Variants in ODAD2 observed in about 807,000 individuals in gnomAD.
The protein encoded by ODAD2 is outer dynein arm-docking complex subunit 2.
ODAD2 carries 89 observed loss-of-function variants against 106.8 expected under a neutral mutation model. The ratio of observed to expected loss-of-function variants is 0.83; its 90% CI spans 0.70 to 0.99. The LOEUF (loss-of-function observed/expected upper bound fraction) is 0.99. ODAD2 is among the 50% of genes least tolerant of loss of function. The pLI is 0.00. For missense variants in ODAD2, 1,168 were observed against 1,238.5 expected, an observed-to-expected ratio of 0.94 and a Z score of 0.85; for synonymous variants, 404 against 436.2, an observed-to-expected ratio of 0.93 and a Z score of 0.92.
At chr10:27,958,489 T>C (rs1847887239) in intron 10 of ODAD2, among the ~76,000 whole-genome samples, 1 of 152,162 alleles carries the variant, frequency 6.6e-6, no homozygotes, top group Non-Finnish European at 1.5e-5. Flanking sequence ...CCAGGATCAG[T>C]TATACTCACT....
At chr10:27,925,493 A>T (rs746187558) in intron 16 of ODAD2, among the ~76,000 whole-genome samples, 14 of 152,134 alleles carry the variant, frequency 9.2e-5, no homozygotes, top group Non-Finnish European at 1.3e-4. Context: ...GAAAGGCTGG[A>T]ATTACAGGTG....
intron 16 of ODAD2, among the ~76,000 whole-genome samples, chr10:27,927,044 T>A (rs981233804): frequency 1.3e-5 from 2 of 152,146 alleles, no homozygotes; most frequent in African/African-American, 4.8e-5. Flanking sequence ...GCATAATTAG[T>A]ATGAAATAAT....
chr10:27,885,509 CAA>C lies in ODAD2; in HGVS notation c.2610+22152_2610+22153del, dbSNP rs781326915. Among the ~76,000 whole-genome samples, 41 of 19,816 alleles carry C rather than the reference CAA, an allele frequency of 2.1e-3. 2 individuals are homozygous for C. Among genetic ancestry groups the C allele is most frequent in the African/African-American group, 8.0e-3 (26 of 3,262 alleles). The allele number at this position is 19,816 out of a possible 152,430, so 13.0% of individuals were successfully genotyped here. The stretch of plus-strand genomic sequence containing the variant: ...TGGGTGACAGAGTGAGACTCCATCT[CAA>C]AAAAAAAAAAAAAAAAAAAAAAATA... On this transcript the variant is annotated intron_variant, in intron 17 of 19. Coordinates refer to ENST00000305242, the MANE Select transcript of ODAD2 (RefSeq NM_018076.5).
At chr10:27,941,596 G>GTTTTTTTTT (rs371752746) in intron 12 of ODAD2, among the ~76,000 whole-genome samples, 18 of 114,928 alleles carry the variant, frequency 1.6e-4, no homozygotes, top group Non-Finnish European at 2.4e-4. Context: ...CCAGCATCCA[G>GTTTTTTTTT]TTTTTTTTTT....
chr10:27,848,470 A>G (rs541350855), intron 19 of ODAD2, among the ~76,000 whole-genome samples: 1 of 152,338 alleles, frequency 6.6e-6, no homozygotes, highest in East Asian at 1.9e-4. Flanking sequence ...AGGAAAACCT[A>G]GGCAATACCA....
intron 19 of ODAD2, among the ~76,000 whole-genome samples, chr10:27,857,910 G>A (rs1280801274): frequency 6.6e-6 from 1 of 152,220 alleles, no homozygotes; most frequent in Non-Finnish European, 1.5e-5. Context: ...AGCATTTGAC[G>A]AGAAGTCGGC....
At chr10:27,816,607 G>A (rs1836154644) in intron 19 of ODAD2, among the ~76,000 whole-genome samples, 1 of 152,146 alleles carries the variant, frequency 6.6e-6, no homozygotes, top group Non-Finnish European at 1.5e-5. Flanking sequence ...CAAAGCATAG[G>A]AAAAGGGTGA....
intron 9 of ODAD2, among the ~76,000 whole-genome samples, chr10:27,965,735 C>A (rs1158103953): frequency 4.6e-5 from 7 of 152,174 alleles, no homozygotes; most frequent in Admixed American, 1.3e-4. Context: ...GGAGTGAAAT[C>A]AACCAGGGCT....
intron 16 of ODAD2, among the ~76,000 whole-genome samples, chr10:27,922,646 C>T (rs1256808423): frequency 6.6e-6 from 1 of 152,130 alleles, no homozygotes; most frequent in Non-Finnish European, 1.5e-5. Context: ...TGGCTCACAC[C>T]TGTAATCCCA....
chr10:27,877,837 T>G (rs1841446179), intron 17 of ODAD2, among the ~76,000 whole-genome samples: 1 of 152,196 alleles, frequency 6.6e-6, no homozygotes, highest in Non-Finnish European at 1.5e-5. Context: ...ATTTTGCAAT[T>G]TATAAAGGAC....
In ODAD2 at chr10:27,944,510, C is replaced by A. The variant is rs557867440; in HGVS notation, c.1534-79G>T. 4 of 1,288,784 alleles carry A rather than the reference C, an allele frequency of 3.1e-6. No individual in the cohort carries two copies. In the East Asian group the frequency reaches 9.6e-5, roughly 31 times the overall value. The allele number at this position is 1,288,784 out of a possible 1,614,324, so 79.8% of individuals were successfully genotyped here. On this transcript the variant is annotated intron_variant, in intron 11 of 19. Transcript: ENST00000305242. ...TAAAAATTCCGAGTATACCTAAAAT[C>A]CTTCCCCAGTTAAGTTTTTTAAGAA...
chr10:27,900,884 C>T (rs1843152331), intron 17 of ODAD2, among the ~76,000 whole-genome samples: 1 of 152,180 alleles, frequency 6.6e-6, no homozygotes, highest in Admixed American at 6.5e-5. Flanking sequence ...ACTTGGAAAA[C>T]ACTCTGCAGG....
intron 1 of ODAD2, among the ~76,000 whole-genome samples, chr10:27,996,794 A>T (rs1352151155): frequency 1.3e-5 from 2 of 152,210 alleles, no homozygotes; most frequent in Non-Finnish European, 2.9e-5. Flanking sequence ...TTAAGTTGCA[A>T]TGGCACATCT....
chr10:27,960,807 A>G (rs1218713104), intron 10 of ODAD2, among the ~76,000 whole-genome samples: 1 of 152,228 alleles, frequency 6.6e-6, no homozygotes, highest in Non-Finnish European at 1.5e-5. Flanking sequence ...GAAAAAGCAG[A>G]AAGAAACCAT....
At chr10:27,951,211 T>C (rs1170798949) in intron 10 of ODAD2, among the ~76,000 whole-genome samples, 1 of 152,232 alleles carries the variant, frequency 6.6e-6, no homozygotes. Flanking sequence ...TATAGATTCA[T>C]GTAAACCAAC....
intron 10 of ODAD2, among the ~76,000 whole-genome samples, chr10:27,953,713 T>C (rs141744535): frequency 0.01 from 1,558 of 152,274 alleles, 22 homozygotes; most frequent in African/African-American, 0.036. Context: ...TTTATGTATA[T>C]AAATTATATA....
rs78909751 is a variant in ODAD2, at chr10:27,896,765, T to C, written c.2610+10898A>G. Among the ~76,000 whole-genome samples the C allele has an allele frequency of 8.9e-3, 1,351 of 152,260 alleles. 18 individuals carry two copies. The highest frequency in any genetic ancestry group is 0.03 in the African/African-American group (1,261 of 41,556). ...TTCTAGATACGTAGATATATGTATA[T>C]AGATATAGATATATAGATACATGCA... On this transcript the variant is annotated intron_variant, in intron 17 of 19. Transcript: ENST00000305242.
chr10:27,924,034 A>AAG (rs1845049909), intron 16 of ODAD2, among the ~76,000 whole-genome samples: 1 of 146,434 alleles, frequency 6.8e-6, no homozygotes, highest in South Asian at 2.1e-4. Flanking sequence ...AGGAAAGAGA[A>AAG]AGAAAGAAGG....
intron 16 of ODAD2, among the ~76,000 whole-genome samples, 197 bp from the exon 17 acceptor site, chr10:27,907,974 C>T (rs1458581118): frequency 6.6e-6 from 1 of 151,820 alleles, no homozygotes; most frequent in Non-Finnish European, 1.5e-5. Context: ...GTTTTAAATC[C>T]ATGACACAGA....
Sources: allele counts gnomAD v4.1 joint callset (sites outside exome capture counted in the v4.1 genomes callset), GRCh38; gene constraint gnomAD v4.1.1; transcripts MANE v1.5; gene names NCBI Gene and HGNC (gene_info 2026-07-23, HGNC 2026-07-21).